The following PLCG2 variants were observed in gnomAD, a reference collection of about 807,000 sequenced individuals.
The protein encoded by PLCG2 is 1-phosphatidylinositol 4,5-bisphosphate phosphodiesterase gamma-2.
Under a neutral mutation model 175.6 loss-of-function variants are expected in PLCG2, and 69 were observed. The observed-to-expected ratio is 0.39, with a 90% confidence interval of 0.32 to 0.48. PLCG2 has a LOEUF of 0.48. PLCG2 is among the 20% of genes least tolerant of loss of function. The probability of loss-of-function intolerance (pLI) is 0.91; values close to 1 mark genes in which losing one functional copy is unlikely to be tolerated. For missense variants in PLCG2, 1,798 were observed against 1,650.9 expected (o/e 1.09, Z -1.54); for synonymous variants, 827 against 624.0 (o/e 1.33, Z -4.85).
At chr16:81,888,746 C>G (rs1908492402) in intron 9 of PLCG2, among the ~76,000 whole-genome samples, 2 of 152,308 alleles carry the variant, frequency 1.3e-5, no homozygotes, top group African/African-American at 4.8e-5. Context: ...CCCCAGGCTG[C>G]TTCATACTAA....
In PLCG2 at chr16:81,846,739, A is replaced by T. The variant is rs530010488; in HGVS notation, c.194-7705A>T. On this transcript the variant is annotated intron_variant, in intron 2 of 32. Coordinates refer to ENST00000564138, the MANE Select transcript of PLCG2 (RefSeq NM_002661.5). ...TAGATTCAACACAATCCCAACCAAA[A>T]TCTAATAGAGATACAAGAAAAGGTT... 5.3e-5 allele frequency among the ~76,000 whole-genome samples: 8 copies of T among 152,252 alleles called. No individual in the cohort carries two copies. The East Asian group carries it at 1.5e-3, about 29-fold the overall frequency.
At chr16:81,772,986 C>T (rs907745787) in intron 2 of PLCG2, among the ~76,000 whole-genome samples, 6 of 152,128 alleles carry the variant, frequency 3.9e-5, no homozygotes, top group Non-Finnish European at 5.9e-5. Context: ...TTGCCCCTGC[C>T]GACAGCTGCC....
chr16:81,900,571 G>C, intron 13 of PLCG2, 41 bp from the exon 14 acceptor site: 1 of 1,545,550 alleles, frequency 6.5e-7, no homozygotes, highest in Non-Finnish European at 8.8e-7. Context: ...GCAGAGGTGT[G>C]TGCTCCCCCT....
At chr16:81,836,027 AC>A (rs1334645723) in intron 2 of PLCG2, among the ~76,000 whole-genome samples, 3 of 152,144 alleles carry the variant, frequency 2.0e-5, no homozygotes, top group African/African-American at 7.2e-5. Context: ...ATTCACACAT[AC>A]CAGGGACTGG....
At chr16:81,928,743 T>A in intron 24 of PLCG2, 119 bp downstream of exon 24, 1 of 708,500 alleles carries the variant, frequency 1.4e-6, no homozygotes, top group Non-Finnish European at 2.6e-6. Context: ...GCCAGCTCCT[T>A]CCCTGGCTGA....
chr16:81,907,835 TC>T, intron 16 of PLCG2, 61 bp downstream of exon 16: 1 of 1,253,664 alleles, frequency 8.0e-7, no homozygotes, highest in Non-Finnish European at 1.2e-6. Context: ...GACCAGCCAG[TC>T]CCCGGGACCT....
At chr16:81,857,896 A>G (rs1216530491) in intron 3 of PLCG2, 2 of 204,338 alleles carry the variant, frequency 9.8e-6, no homozygotes, top group African/African-American at 4.5e-5. Flanking sequence ...TGTGGGATCA[A>G]TATAGGAAAA....
At chr16:81,810,073 C>T (rs1348747227) in intron 2 of PLCG2, among the ~76,000 whole-genome samples, 2 of 152,020 alleles carry the variant, frequency 1.3e-5, no homozygotes, top group South Asian at 4.1e-4. Flanking sequence ...CTCACTGCAA[C>T]CTCCTCCTCC....
At chr16:81,936,890 A>G (rs4073828) in intron 27 of PLCG2, among the ~76,000 whole-genome samples, 74,004 of 152,014 alleles carry the variant, frequency 0.49, 18,725 homozygotes, top group African/African-American at 0.62. Context: ...TTTTATAGCC[A>G]CATCGGATTC....
intron 22 of PLCG2, among the ~76,000 whole-genome samples, chr16:81,925,658 C>T (rs1597136193): frequency 6.6e-6 from 1 of 152,238 alleles, no homozygotes; most frequent in South Asian, 2.1e-4. Flanking sequence ...GAGGCCGAGG[C>T]GGGTGGCTCA....
intron 1 of PLCG2, among the ~76,000 whole-genome samples, chr16:81,742,486 G>T (rs544452464): frequency 3.4e-4 from 52 of 152,244 alleles, no homozygotes; most frequent in African/African-American, 1.2e-3. Context: ...CCCCATGCAG[G>T]GTGAAGGAGG....
At chr16:81,805,617 C>T (rs77642696) in intron 2 of PLCG2, among the ~76,000 whole-genome samples, 2,564 of 151,812 alleles carry the variant, frequency 0.017, 71 homozygotes, top group African/African-American at 0.058. Flanking sequence ...ACAGATGCCT[C>T]ACACCCCCTT....
intron 22 of PLCG2, among the ~76,000 whole-genome samples, chr16:81,926,351 CAA>C (rs1190658285): frequency 2.0e-5 from 3 of 152,226 alleles, no homozygotes; most frequent in Middle Eastern, 3.4e-3. Context: ...GAAAATAGCT[CAA>C]GAGATGGGCA....
chr16:81,786,035 A>G lies in PLCG2; in HGVS notation c.46A>G (p.Ser16Gly), dbSNP rs764524085. The change falls in exon 2 of 33, where the codon AGC becomes GGC. Residue 16 changes from serine (S) to glycine (G), a missense_variant. Coordinates refer to ENST00000564138, the MANE Select transcript of PLCG2 (RefSeq NM_002661.5). ...NVDSLAEYEK[S>G]QIKRALELGT... ...AGATTCCCTTGCGGAATATGAGAAG[A>G]GCCAGATCAAGAGAGCCCTGGAGCT... The G allele has an allele frequency of 3.1e-6, 5 of 1,614,090 alleles. No homozygotes were observed. The highest frequency in any genetic ancestry group is 1.1e-5 in the South Asian group (1 of 91,084).
chr16:81,789,470 G>T (rs935275137), intron 2 of PLCG2, among the ~76,000 whole-genome samples: 3 of 152,112 alleles, frequency 2.0e-5, no homozygotes, highest in Non-Finnish European at 4.4e-5. Context: ...TTTAACTTTT[G>T]TGTAGATAGG....
chr16:81,799,814 C>G (rs779558771), intron 2 of PLCG2, among the ~76,000 whole-genome samples: 1 of 150,402 alleles, frequency 6.6e-6, no homozygotes, highest in Admixed American at 6.7e-5. Context: ...AGGATGGTCT[C>G]GATCTCCTGA....
At chr16:81,850,824 CA>C (rs1434109862) in intron 2 of PLCG2, among the ~76,000 whole-genome samples, 1 of 152,162 alleles carries the variant, frequency 6.6e-6, no homozygotes, top group Non-Finnish European at 1.5e-5. Flanking sequence ...ATAATGCAGC[CA>C]AGGTGGAGGA....
At chr16:81,845,338 T>C (rs922050215) in intron 2 of PLCG2, among the ~76,000 whole-genome samples, 2 of 152,198 alleles carry the variant, frequency 1.3e-5, no homozygotes, top group Admixed American at 6.5e-5. Context: ...CCCTACATTT[T>C]TGTTTTGCCA....
At chr16:81,907,118 G>A (rs1041119289) in intron 15 of PLCG2, among the ~76,000 whole-genome samples, 2 of 150,618 alleles carry the variant, frequency 1.3e-5, no homozygotes, top group African/African-American at 4.9e-5. Flanking sequence ...GTGTACACAT[G>A]TACCCTAGAA....
Sources: allele counts gnomAD v4.1 joint callset (sites outside exome capture counted in the v4.1 genomes callset), GRCh38; gene constraint gnomAD v4.1.1; transcripts MANE v1.5; gene names NCBI Gene and HGNC (gene_info 2026-07-23, HGNC 2026-07-21).